The following ADAP2 variants were observed in gnomAD, a reference collection of about 807,000 sequenced individuals.
The protein encoded by ADAP2 is arf-GAP with dual PH domain-containing protein 2.
Under a neutral mutation model 54.9 loss-of-function variants are expected in ADAP2, and 42 were observed. The observed-to-expected ratio is 0.77, with a 90% confidence interval of 0.60 to 0.99. ADAP2 has a LOEUF of 0.99. Ranked by LOEUF, ADAP2 falls within the 50% of genes least tolerant of loss-of-function variation. The pLI is 0.00. For missense variants in ADAP2, 429 were observed against 480.4 expected, an observed-to-expected ratio of 0.89 and a Z score of 1.00; for synonymous variants, 177 against 180.1, an observed-to-expected ratio of 0.98 and a Z score of 0.14.
Position 30,934,229 on chromosome 17 carries a change from C to CA in ADAP2, c.443dup (p.Phe149ValfsTer24). 1 of 1,614,124 alleles carries CA rather than the reference C, an allele frequency of 6.2e-7. No homozygotes were observed. The highest frequency in any genetic ancestry group is 8.5e-7 in the Non-Finnish European group (1 of 1,180,006). ...GTGGAAGCGAGGAAGGGACAACTCA[C>CA]AGTTTCTGAGAAGGAAGTTTGTACT... On this transcript the variant is annotated frameshift_variant, in exon 5 of 11. Coordinates refer to ENST00000330889, the MANE Select transcript of ADAP2 (RefSeq NM_018404.3). LOFTEE classifies it high-confidence loss of function.
At chr17:30,926,513 G>A (rs1248997963) in intron 2 of ADAP2, among the ~76,000 whole-genome samples, 1 of 152,152 alleles carries the variant, frequency 6.6e-6, no homozygotes, top group Non-Finnish European at 1.5e-5. Context: ...GTGTTTCCTT[G>A]AACAAGTAAC....
intron 7 of ADAP2, among the ~76,000 whole-genome samples, chr17:30,951,273 A>G (rs1048096375): frequency 6.6e-6 from 1 of 152,138 alleles, no homozygotes; most frequent in African/African-American, 2.4e-5. Context: ...GACTCCAGCG[A>G]GCCAAGGCAT....
chr17:30,956,709 G>T, intron 10 of ADAP2: 1 of 545,668 alleles, frequency 1.8e-6, no homozygotes, highest in Non-Finnish European at 3.3e-6. Flanking sequence ...AGAGGAGTTT[G>T]GCCCTGGCAG....
At chr17:30,929,754 T>C (rs1437621848) in intron 3 of ADAP2, among the ~76,000 whole-genome samples, 2 of 152,190 alleles carry the variant, frequency 1.3e-5, no homozygotes, top group South Asian at 2.1e-4. Context: ...TAGAGTTCAG[T>C]GGCACAATCA....
intron 7 of ADAP2, among the ~76,000 whole-genome samples, chr17:30,951,654 C>CTTTTTT (rs1053982493): frequency 1.5e-4 from 18 of 121,026 alleles, no homozygotes; most frequent in East Asian, 4.5e-4. Flanking sequence ...CTTTTCTTTT[C>CTTTTTT]TTTTTTTTTT....
At chr17:30,951,973 C>T (rs1461627450) in intron 7 of ADAP2, among the ~76,000 whole-genome samples, 1 of 152,108 alleles carries the variant, frequency 6.6e-6, no homozygotes, top group Non-Finnish European at 1.5e-5. Flanking sequence ...TCATTTTTGG[C>T]TCACAAATTT....
chr17:30,940,217 T>C (rs1255142074), intron 5 of ADAP2, among the ~76,000 whole-genome samples: 1 of 151,660 alleles, frequency 6.6e-6, no homozygotes, highest in East Asian at 1.9e-4. Context: ...CCAGCCTCAG[T>C]CTCCCAAAGT....
chr17:30,950,356 G>A (rs1447064598), intron 7 of ADAP2, among the ~76,000 whole-genome samples: 2 of 152,156 alleles, frequency 1.3e-5, no homozygotes, highest in Non-Finnish European at 2.9e-5. Context: ...GGCAGAGGAT[G>A]CTGTCTCGAG....
chr17:30,939,597 C>T (rs945870740), intron 5 of ADAP2, among the ~76,000 whole-genome samples: 2 of 151,804 alleles, frequency 1.3e-5, no homozygotes, highest in African/African-American at 4.8e-5. Flanking sequence ...CGGTGAAATC[C>T]CGTCTCTACT....
intron 3 of ADAP2, among the ~76,000 whole-genome samples, chr17:30,927,774 C>T (rs2142511081): frequency 6.6e-6 from 1 of 152,098 alleles, no homozygotes; most frequent in African/African-American, 2.4e-5. Flanking sequence ...AATCCTAGCA[C>T]TTTGGGAGGC....
intron 1 of ADAP2, 53 bp from the exon 2 acceptor site, chr17:30,922,887 G>C: frequency 1.3e-6 from 2 of 1,597,282 alleles, no homozygotes; most frequent in Admixed American, 1.7e-5. Context: ...GCCCAGCCCT[G>C]GTTTCTTCAC....
At chr17:30,944,268 C>G (rs1047382860) in intron 5 of ADAP2, among the ~76,000 whole-genome samples, 17 of 152,134 alleles carry the variant, frequency 1.1e-4, no homozygotes, top group African/African-American at 4.1e-4. Flanking sequence ...TCTTAAGTAA[C>G]TAACAAAGGA....
At chr17:30,956,165 C>CT in intron 9 of ADAP2, 76 bp from the exon 10 acceptor site, 1 of 1,370,666 alleles carries the variant, frequency 7.3e-7, no homozygotes, top group Non-Finnish European at 1.0e-6. Flanking sequence ...CAAAATAAAG[C>CT]TTGGAGGCTG....
intron 2 of ADAP2, among the ~76,000 whole-genome samples, chr17:30,923,956 G>A (rs927885020): frequency 1.3e-5 from 2 of 150,986 alleles, no homozygotes; most frequent in African/African-American, 4.9e-5. Context: ...CACCCTCCTC[G>A]GCCTCCCAAA....
intron 2 of ADAP2, among the ~76,000 whole-genome samples, chr17:30,924,859 CTTTTTTGTT>C (rs753522537): frequency 2.2e-4 from 33 of 149,314 alleles, no homozygotes; most frequent in Admixed American, 5.3e-4. Context: ...GTTATATTTT[CTTTTTTGTT>C]TTTTTTGTTT....
chr17:30,927,937 T>TGGATTGCTTGAGCCC (rs911493828), intron 3 of ADAP2, among the ~76,000 whole-genome samples: 1 of 150,842 alleles, frequency 6.6e-6, no homozygotes, highest in Non-Finnish European at 1.5e-5. Context: ...CTGAAGTGGG[T>TGGATTGCTTGAGCCC]GGATTGCTTG....
In ADAP2 at chr17:30,953,291, G is replaced by T; in HGVS notation, c.745G>T (p.Val249Leu). 1 of 1,614,026 alleles carries T rather than the reference G, an allele frequency of 6.2e-7. No individual in the cohort carries two copies. Among genetic ancestry groups the T allele is most frequent in the Non-Finnish European group, 8.5e-7 (1 of 1,180,012 alleles). Residue 249 changes from valine (V) to leucine (L), a missense_variant, in exon 8 of 11, where the codon GTG becomes TTG. Val to Leu is a conservative substitution (Grantham distance 32, BLOSUM62 1). Transcript: ENST00000330889. ...AFPELPESEL[V>L]PFLTRNYLKQ... The stretch of plus-strand genomic sequence containing the variant: ...AGTGTCTGTCTCTCTTCCCCAGCTC[G>T]TGCCATTCCTCACCAGGAACTACCT...
rs180940367 is a variant in ADAP2 at position 30,925,615 on chromosome 17, G to A, written c.226-1212G>A. 1.3e-3 allele frequency among the ~76,000 whole-genome samples: 178 copies of A among 138,156 alleles called. 1 individual carries two copies. Among genetic ancestry groups the A allele is most frequent in the African/African-American group, 4.5e-3 (164 of 36,570 alleles). 90.6% of individuals were successfully genotyped at this position (138,156 alleles called of 152,430 possible). A position where few individuals can be genotyped will look rare whatever the true frequency, so the allele number is the denominator to read the frequency against. Reference sequence around the variant, plus strand: ...TTTCTTTCTTTTTTTTTTTTGAGACGGAGTCTCACTCACTCTGTTGCCCAG... The same window carrying A: ...TTTCTTTCTTTTTTTTTTTTGAGACAGAGTCTCACTCACTCTGTTGCCCAG... On this transcript the variant is annotated intron_variant, in intron 2 of 10. Coordinates refer to ENST00000330889, the MANE Select transcript of ADAP2 (RefSeq NM_018404.3).
At chr17:30,940,781 T>A (rs1417733661) in intron 5 of ADAP2, among the ~76,000 whole-genome samples, 1 of 152,196 alleles carries the variant, frequency 6.6e-6, no homozygotes, top group Admixed American at 6.6e-5. Flanking sequence ...GGTGAAGTTT[T>A]CTCAGATGTT....
Sources: allele counts gnomAD v4.1 joint callset (sites outside exome capture counted in the v4.1 genomes callset), GRCh38; gene constraint gnomAD v4.1.1; transcripts MANE v1.5; gene names NCBI Gene and HGNC (gene_info 2026-07-23, HGNC 2026-07-21).